Variants in DMRT1 observed in about 807,000 individuals in gnomAD.
DMRT1 encodes doublesex- and mab-3-related transcription factor 1.
Under a neutral mutation model 32.3 loss-of-function variants are expected in DMRT1, and 7 were observed. The observed-to-expected ratio is 0.22, with a 90% CI of 0.12 to 0.41. The LOEUF (loss-of-function observed/expected upper bound fraction) is 0.41. Among genes scored for constraint, DMRT1 ranks in the 10% least tolerant of loss-of-function variants. The probability of loss-of-function intolerance (pLI) is 1.00; values close to 1 mark genes in which losing one functional copy is unlikely to be tolerated. For synonymous variants in DMRT1, 278 were observed against 206.1 expected (o/e 1.35, Z -2.99); for missense variants, 625 against 500.5 (o/e 1.25, Z -2.37).
At chr9:904,804 C>T (rs573927814) in intron 3 of DMRT1, among the ~76,000 whole-genome samples, 195 of 152,226 alleles carry the variant, frequency 1.3e-3, no homozygotes, top group African/African-American at 4.2e-3. Flanking sequence ...ATTAGCTGGG[C>T]GTGGAGGCAG....
At chr9:961,901 C>T (rs1017839093) in intron 4 of DMRT1, among the ~76,000 whole-genome samples, 1 of 152,194 alleles carries the variant, frequency 6.6e-6, no homozygotes, top group African/African-American at 2.4e-5. Context: ...ACCCCCTTTT[C>T]ACAGATGGAG....
Position 916,778 on chromosome 9 carries a change from A to T in DMRT1, c.838A>T (p.Asn280Tyr). The change falls in exon 4 of 5, where the codon AAC becomes TAC. Residue 280 changes from asparagine (N) to tyrosine (Y), a missense_variant. Coordinates refer to ENST00000382276, the MANE Select transcript of DMRT1 (RefSeq NM_021951.3). The stretch of plus-strand genomic sequence containing the variant: ...TCTTAAGCAGATGAAGAACATGGAG[A>T]ACCGCCATGCAATGAGCTCCCAGTA... ...GNQWQMKNME[N>Y]RHAMSSQYRM... 1 of 1,613,772 alleles carries T rather than the reference A, an allele frequency of 6.2e-7. No individual in the cohort carries two copies. Among genetic ancestry groups the T allele is most frequent in the African/African-American group, 1.3e-5 (1 of 75,010 alleles).
intron 2 of DMRT1, among the ~76,000 whole-genome samples, chr9:890,303 T>C (rs1429128358): frequency 1.3e-5 from 2 of 152,070 alleles, no homozygotes; most frequent in African/African-American, 2.4e-5. Flanking sequence ...GAGGAGCGAA[T>C]GGACATGTGC....
chr9:861,426 TC>T (rs201552289), intron 2 of DMRT1, among the ~76,000 whole-genome samples: 7,546 of 152,290 alleles, frequency 0.05, 643 homozygotes, highest in African/African-American at 0.17. Context: ...GAAGAATTTT[TC>T]CTAGTACAGA....
intron 3 of DMRT1, among the ~76,000 whole-genome samples, chr9:903,381 T>C (rs1470060961): frequency 6.6e-6 from 1 of 152,148 alleles, no homozygotes; most frequent in African/African-American, 2.4e-5. Context: ...TCCTATTTTG[T>C]CTCATTTTAG....
chr9:851,098 GA>G (rs1390879978), intron 2 of DMRT1, among the ~76,000 whole-genome samples: 6 of 151,732 alleles, frequency 4.0e-5, no homozygotes, highest in African/African-American at 1.5e-4. Flanking sequence ...AGTGAGAGGT[GA>G]AAGTTGTAGG....
At chr9:894,445 A>G (rs1817275587) in intron 3 of DMRT1, 1 of 565,434 alleles carries the variant, frequency 1.8e-6, no homozygotes, top group South Asian at 2.0e-5. Flanking sequence ...GCTGCAAGGA[A>G]TTGGAAAGAA....
chr9:861,516 C>T (rs1310020883), intron 2 of DMRT1, among the ~76,000 whole-genome samples: 1 of 152,230 alleles, frequency 6.6e-6, no homozygotes, highest in African/African-American at 2.4e-5. Context: ...CCACATTTCC[C>T]CCTTTTCTAT....
intron 3 of DMRT1, among the ~76,000 whole-genome samples, chr9:900,817 T>G (rs2129668912): frequency 6.6e-6 from 1 of 151,854 alleles, no homozygotes; most frequent in Non-Finnish European, 1.5e-5. Flanking sequence ...CACGAGTAGC[T>G]GGGACTACAG....
intron 2 of DMRT1, among the ~76,000 whole-genome samples, chr9:886,390 G>A (rs1054857301): frequency 5.3e-5 from 8 of 152,164 alleles, no homozygotes; most frequent in Non-Finnish European, 7.3e-5. Context: ...TGAGTAGCTG[G>A]GACTACAGGC....
intron 3 of DMRT1, among the ~76,000 whole-genome samples, chr9:902,598 C>T (rs903326146): frequency 6.6e-6 from 1 of 151,664 alleles, no homozygotes; most frequent in Non-Finnish European, 1.5e-5. Flanking sequence ...AAGCGATTCT[C>T]CTGCCTCAGC....
chr9:918,521 C>G (rs933745403), intron 4 of DMRT1, among the ~76,000 whole-genome samples: 1 of 152,022 alleles, frequency 6.6e-6, no homozygotes, highest in Non-Finnish European at 1.5e-5. Context: ...AGGTTACAGT[C>G]CAGGAAAGAA....
chr9:888,866 C>G (rs1466861625), intron 2 of DMRT1, among the ~76,000 whole-genome samples: 2 of 151,872 alleles, frequency 1.3e-5, no homozygotes, highest in African/African-American at 4.8e-5. Context: ...GTGGCTCACA[C>G]CTATAATCCC....
In DMRT1 at chr9:940,011, A is replaced by T. The variant is rs757172528; in HGVS notation, c.967+23104A>T. On this transcript the variant is annotated intron_variant, in intron 4 of 4. Coordinates refer to ENST00000382276, the MANE Select transcript of DMRT1 (RefSeq NM_021951.3). ...AAACGCAAATCAAACTCATGATCAG[A>T]TTCCACTTTACACCCATTAGAAAGG... Among the ~76,000 whole-genome samples the T allele has an allele frequency of 2.0e-5, 3 of 152,164 alleles. No homozygotes were observed. In the East Asian group the frequency reaches 5.8e-4, roughly 29 times the overall value.
chr9:925,624 C>G (rs959423819), intron 4 of DMRT1, among the ~76,000 whole-genome samples: 2 of 152,206 alleles, frequency 1.3e-5, no homozygotes, highest in Non-Finnish European at 2.9e-5. Flanking sequence ...GCTCTTTCTT[C>G]TAGTATATCC....
In DMRT1 at chr9:858,484, TGGA is replaced by T. The variant is rs1351639576; in HGVS notation, c.538+11343_538+11345del. Among the ~76,000 whole-genome samples, 12 of 152,228 alleles carry T rather than the reference TGGA, an allele frequency of 7.9e-5. No individual in the cohort carries two copies. The East Asian group carries it at 2.3e-3, about 29-fold the overall frequency. The stretch of plus-strand genomic sequence containing the variant: ...CACCCCTCAGGTACCTACTTACTTT[TGGA>T]GTCTTGTGAATGCCTTTTTGTCCTC... On this transcript the variant is annotated intron_variant, in intron 2 of 4. Coordinates refer to ENST00000382276, the MANE Select transcript of DMRT1 (RefSeq NM_021951.3).
At chr9:945,254 A>T (rs1357701982) in intron 4 of DMRT1, among the ~76,000 whole-genome samples, 1 of 152,112 alleles carries the variant, frequency 6.6e-6, no homozygotes, top group South Asian at 2.1e-4. Flanking sequence ...CCCAGGTTCA[A>T]ACGATTCTCC....
intron 4 of DMRT1, among the ~76,000 whole-genome samples, chr9:926,971 C>T (rs1818546500): frequency 6.6e-6 from 1 of 152,246 alleles, no homozygotes; most frequent in Non-Finnish European, 1.5e-5. Flanking sequence ...TCCCAGAGAA[C>T]TGACGTCTGT....
intron 3 of DMRT1, among the ~76,000 whole-genome samples, chr9:903,313 G>T (rs1391952518): frequency 6.6e-6 from 1 of 151,554 alleles, no homozygotes; most frequent in African/African-American, 2.4e-5. Context: ...GGTGAATGCA[G>T]TCCCGGCTTT....
Sources: allele counts gnomAD v4.1 joint callset (sites outside exome capture counted in the v4.1 genomes callset), GRCh38; gene constraint gnomAD v4.1.1; transcripts MANE v1.5; gene names NCBI Gene and HGNC (gene_info 2026-07-23, HGNC 2026-07-21).